C12orf42: variants seen among roughly 807,000 people sequenced by gnomAD.
The protein encoded by C12orf42 is uncharacterized protein C12orf42.
C12orf42 carries 25 observed loss-of-function variants against 21.6 expected under a neutral mutation model. That is an observed-to-expected ratio of 1.16 (90% CI 0.84 to 1.62). The LOEUF (loss-of-function observed/expected upper bound fraction) is 1.62. Ranked by LOEUF, C12orf42 falls within the 40% of genes most tolerant of loss-of-function variation. The pLI is 0.00. For synonymous variants in C12orf42, 174 were observed against 175.0 expected (o/e 0.99, Z 0.05); for missense variants, 483 against 459.3 (o/e 1.05, Z -0.47).
Position 103,302,313 on chromosome 12 carries a change from C to T in C12orf42, c.878G>A (p.Arg293Gln), listed in dbSNP as rs771815039. The T allele has an allele frequency of 2.5e-6, 4 of 1,613,876 alleles. No homozygotes were observed. The East Asian group carries it at 6.7e-5, about 27-fold the overall frequency. Residue 293 changes from arginine to glutamine, a missense_variant, in exon 6 of 6, where the codon CGG (arginine) becomes CAG (glutamine). Coordinates refer to ENST00000548883, the MANE Select transcript of C12orf42 (RefSeq NM_198521.5). ...GGTGTCCGCCTGAGGCCTCCTGTCC[C>T]GCGGGGTATGAGGATGCTTGGGGAG... ...EMLPKHPHTP[R>Q]DRRPQADTSL...
the C12orf42 span, among the ~76,000 whole-genome samples, chr12:103,509,908 G>A: frequency 3.3e-5 from 5 of 152,194 alleles, no homozygotes; most frequent in African/African-American, 1.2e-4. Context: ...CTGCTGGTGG[G>A]AATGTAACTA....
chr12:103,563,340 C>A, the C12orf42 span, among the ~76,000 whole-genome samples: 1 of 152,262 alleles, frequency 6.6e-6, no homozygotes, highest in East Asian at 1.9e-4. Flanking sequence ...CATTTGTCTA[C>A]CCTAGACAAG....
intron 3 of C12orf42, among the ~76,000 whole-genome samples, chr12:103,373,460 G>A (rs564856637): frequency 1.9e-3 from 290 of 152,286 alleles, no homozygotes; most frequent in South Asian, 3.5e-3. Flanking sequence ...TCAATTGTTT[G>A]CCTGCCAAGA....
In C12orf42 at chr12:103,341,141, C is replaced by T. The variant is rs574220841; in HGVS notation, c.259+27746G>A. ...AAAAAAAAAAAAAAAAAAAAGACACCACAATAAAAATTATCCAAAATAAAA... is the reference window on the plus strand; with the variant it reads ...AAAAAAAAAAAAAAAAAAAAGACACTACAATAAAAATTATCCAAAATAAAA... On this transcript the variant is annotated intron_variant, in intron 4 of 5. Transcript: ENST00000548883. 9.8e-3 allele frequency among the ~76,000 whole-genome samples: 1,395 copies of T among 142,510 alleles called. 16 individuals are homozygous for T. Among genetic ancestry groups the T allele is most frequent in the African/African-American group, 0.028 (1,054 of 37,086 alleles). 93.5% of individuals were successfully genotyped at this position (142,510 alleles called of 152,430 possible). A position where few individuals can be genotyped will look rare whatever the true frequency, so the allele number is the denominator to read the frequency against.
the C12orf42 span, among the ~76,000 whole-genome samples, chr12:103,182,348 G>A: frequency 0.011 from 1,662 of 152,238 alleles, 25 homozygotes; most frequent in African/African-American, 0.037. Flanking sequence ...AGCTGAGAAC[G>A]GATTAGTTAT....
intron 2 of C12orf42, among the ~76,000 whole-genome samples, chr12:103,425,266 T>A (rs7316757): frequency 0.83 from 125,945 of 152,158 alleles, 52,153 homozygotes; most frequent in Admixed American, 0.88. Flanking sequence ...TAGCTCCAGC[T>A]GACTTAAACA....
At chr12:103,089,492 G>C in the C12orf42 span, among the ~76,000 whole-genome samples, 2 of 152,104 alleles carry the variant, frequency 1.3e-5, no homozygotes, top group African/African-American at 4.8e-5. Flanking sequence ...ATACTGGCCC[G>C]TAAGAAATCG....
chr12:103,547,025 C>T, the C12orf42 span, among the ~76,000 whole-genome samples: 2 of 152,212 alleles, frequency 1.3e-5, no homozygotes, highest in African/African-American at 4.8e-5. Context: ...TCAGACTTAA[C>T]CACTTCTTTG....
chr12:103,062,092 C>A, the C12orf42 span, among the ~76,000 whole-genome samples: 1 of 151,856 alleles, frequency 6.6e-6, no homozygotes, highest in African/African-American at 2.4e-5. Flanking sequence ...ACTTCCAAGT[C>A]AATGCTTATT....
chr12:103,217,389 T>C, the C12orf42 span, among the ~76,000 whole-genome samples: 2 of 151,646 alleles, frequency 1.3e-5, no homozygotes, highest in Admixed American at 6.6e-5. Context: ...ATTAGCTGAG[T>C]GTCATGGTGC....
At chr12:103,106,844 T>C in the C12orf42 span, among the ~76,000 whole-genome samples, 1 of 151,884 alleles carries the variant, frequency 6.6e-6, no homozygotes, top group Non-Finnish European at 1.5e-5. Flanking sequence ...AAGAAAGATA[T>C]TCTGAGATGG....
At chr12:103,562,232 G>A in the C12orf42 span, among the ~76,000 whole-genome samples, 1 of 152,126 alleles carries the variant, frequency 6.6e-6, no homozygotes, top group East Asian at 1.9e-4. Flanking sequence ...TGTTGGGGCT[G>A]CTGTATTTTC....
chr12:103,526,984 G>C, the C12orf42 span, among the ~76,000 whole-genome samples: 1 of 152,140 alleles, frequency 6.6e-6, no homozygotes, highest in Non-Finnish European at 1.5e-5. Context: ...GTCTGTATTT[G>C]GCGTTAGTGG....
At chr12:103,211,199 T>C in the C12orf42 span, among the ~76,000 whole-genome samples, 1 of 152,316 alleles carries the variant, frequency 6.6e-6, no homozygotes, top group African/African-American at 2.4e-5. Flanking sequence ...GAAAGCTTTT[T>C]TGTGCATGTG....
the C12orf42 span, among the ~76,000 whole-genome samples, chr12:103,078,426 A>G: frequency 6.6e-6 from 1 of 152,196 alleles, no homozygotes; most frequent in South Asian, 2.1e-4. Flanking sequence ...GAATTTTAGA[A>G]GTACACAAGG....
At chr12:103,282,469 T>C (rs763285788) in intron 4 of C12orf42, among the ~76,000 whole-genome samples, 8 of 152,210 alleles carry the variant, frequency 5.3e-5, no homozygotes, top group Non-Finnish European at 8.8e-5. Flanking sequence ...TTGCCTACAG[T>C]ATTAAGTTCA....
intron 3 of C12orf42, among the ~76,000 whole-genome samples, chr12:103,391,308 T>C (rs2047060408): frequency 6.6e-6 from 1 of 152,196 alleles, no homozygotes; most frequent in Admixed American, 6.5e-5. Context: ...TGCTGAGTCA[T>C]ATGGTAATTC....
rs2034004781 is a variant in C12orf42 at position 103,246,283 on chromosome 12, C to T, written c.*1367-8381G>A. 2.0e-5 allele frequency among the ~76,000 whole-genome samples: 3 copies of T among 152,196 alleles called. No homozygotes were observed. The South Asian group carries it at 6.2e-4, about 32-fold the overall frequency. ...TGCCATGTCATTGAGAATATCACCTCTCTCAATACCAAATCAAGTTTGTTG... is the reference window on the plus strand; with the variant it reads ...TGCCATGTCATTGAGAATATCACCTTTCTCAATACCAAATCAAGTTTGTTG... On this transcript the variant is annotated intron_variant and NMD_transcript_variant, in intron 10 of 10. Transcript: ENST00000547347.
the C12orf42 span, among the ~76,000 whole-genome samples, chr12:103,050,088 C>T: frequency 3.3e-5 from 5 of 152,204 alleles, no homozygotes; most frequent in African/African-American, 1.2e-4. Flanking sequence ...GAGCTTAGAA[C>T]AGTGCCTGGC....
Sources: gnomAD v4.1 joint callset for allele counts (sites outside exome capture counted in the v4.1 genomes callset) on GRCh38, gnomAD v4.1.1 for gene constraint, MANE v1.5 for transcripts, NCBI Gene and HGNC (gene_info 2026-07-23, HGNC 2026-07-21) for gene names.